LIN7C: variants seen among roughly 807,000 people sequenced by gnomAD.
LIN7C encodes the protein protein lin-7 homolog C.
LIN7C carries 17 observed loss-of-function variants against 24.7 expected under a neutral mutation model. The ratio of observed to expected loss-of-function variants is 0.69; its 90% confidence interval spans 0.47 to 1.03. The LOEUF is 1.03. Ranked by LOEUF, LIN7C falls within the 50% of genes least tolerant of loss-of-function variation. The pLI, the probability that LIN7C is intolerant of heterozygous loss-of-function variation, is 0.00. For synonymous variants in LIN7C, 90 were observed against 83.4 expected, an observed-to-expected ratio of 1.08 and a Z score of -0.43; for missense variants, 204 against 239.0, an observed-to-expected ratio of 0.85 and a Z score of 0.97.
rs777986916 is a variant in LIN7C at position 27,499,565 on chromosome 11, T to C, written c.232A>G (p.Thr78Ala). ...EVRANATAKA[T>A]VAAFAASEGH... Reference sequence around the variant, plus strand: ...TCACTGGCAGCAAATGCAGCAACAGTAGCCTGAAAGAAAGTTTTACATATT... The same window carrying C: ...TCACTGGCAGCAAATGCAGCAACAGCAGCCTGAAAGAAAGTTTTACATATT... The change falls in exon 4 of 5, where the codon ACT (threonine) becomes GCT (alanine). Residue 78 changes from threonine (T) to alanine (A), a missense_variant. Transcript: ENST00000278193. 1 of 1,613,220 alleles carries C rather than the reference T, an allele frequency of 6.2e-7. No individual in the cohort carries two copies. The highest frequency in any genetic ancestry group is 2.2e-5 in the East Asian group (1 of 44,882).
At chr11:27,504,394 C>T (rs932824939) in intron 1 of LIN7C, among the ~76,000 whole-genome samples, 1 of 152,114 alleles carries the variant, frequency 6.6e-6, no homozygotes, top group Non-Finnish European at 1.5e-5. Flanking sequence ...TTCATTAAAT[C>T]ATAGTTTGAT....
At position 27,501,508 on chromosome 11, in the gene LIN7C, T is replaced by A. The variant is rs190288799; in HGVS notation, c.215A>T (p.Asn72Ile). The change falls in exon 3 of 5, where the codon AAC (asparagine) becomes ATC (isoleucine). Residue 72 changes from asparagine (N) to isoleucine (I), a missense_variant. By Grantham distance (149) the Asn-to-Ile change is moderately radical (BLOSUM62 -3). Transcript: ENST00000278193. ...AAAAAAATTTACCTTTGCAGTAGCGTTCGCTCTCACTTCAGGACTGCTACT... is the reference window on the plus strand; with the variant it reads ...AAAAAAATTTACCTTTGCAGTAGCGATCGCTCTCACTTCAGGACTGCTACT... ...DISSSPEVRA[N>I]ATAKATVAAF... 4.7e-4 allele frequency: 746 copies of A among 1,591,546 alleles called. 8 individuals are homozygous for A. The highest frequency in any genetic ancestry group is 2.4e-5 in the Non-Finnish European group (28 of 1,171,856).
chr11:27,506,633 C>G, intron 1 of LIN7C, 83 bp downstream of exon 1: 1 of 1,503,174 alleles, frequency 6.7e-7, no homozygotes, highest in Non-Finnish European at 9.2e-7. Flanking sequence ...ATCTCAGAGC[C>G]TGGGTCACTC....
intron 1 of LIN7C, among the ~76,000 whole-genome samples, chr11:27,503,391 T>C (rs1865244101): frequency 6.6e-6 from 1 of 152,246 alleles, no homozygotes; most frequent in Non-Finnish European, 1.5e-5. Flanking sequence ...TTGCTTCCTT[T>C]TGACTTAAGT....
chr11:27,494,809 C>T lies in LIN7C; in HGVS notation c.*3840G>A, dbSNP rs1175680021. Reference sequence around the variant, plus strand: ...CACTACTTAACCATACCTGGAATAACCTTTGAAGAAACACTACTAGCAAAC... The same window carrying T: ...CACTACTTAACCATACCTGGAATAATCTTTGAAGAAACACTACTAGCAAAC... On this transcript the variant is annotated 3_prime_UTR_variant, in exon 5 of 5. Transcript: ENST00000278193. 6 of 152,156 alleles carry T rather than the reference C, an allele frequency of 3.9e-5. No individual in the cohort carries two copies. The highest frequency in any genetic ancestry group is 1.2e-4 in the African/African-American group (5 of 41,442). The allele number at this position is 152,156 out of a possible 1,614,324, so 9.4% of individuals were successfully genotyped here.
intron 1 of LIN7C, 25 bp downstream of exon 1, chr11:27,506,691 T>A: frequency 6.2e-7 from 1 of 1,613,236 alleles, no homozygotes; most frequent in Middle Eastern, 1.7e-4. Flanking sequence ...TCCGCCCACC[T>A]CCGCCGAGCC....
At chr11:27,500,270 G>A (rs1865211032) in intron 3 of LIN7C, among the ~76,000 whole-genome samples, 1 of 152,062 alleles carries the variant, frequency 6.6e-6, no homozygotes. Context: ...ACTCCTTCAG[G>A]AGCCTTTGTG....
chr11:27,501,359 A>G (rs1337001466), intron 3 of LIN7C, 136 bp downstream of exon 3: 6 of 625,936 alleles, frequency 9.6e-6, no homozygotes, highest in Non-Finnish European at 1.7e-5. Context: ...CTTATTTCTT[A>G]GTACTTGAGA....
Position 27,506,697 on chromosome 11 carries a change from G to A in LIN7C, c.37+19C>T, listed in dbSNP as rs745324657. 3.7e-6 allele frequency: 6 copies of A among 1,613,510 alleles called. No homozygotes were observed. The South Asian group carries it at 4.4e-5, about 12-fold the overall frequency. ...CCCAACCCTTCCGCCCACCTCCGCC[G>A]AGCCTCGGCTGCACTCACCTCTCTC... On this transcript the variant is annotated intron_variant, in intron 1 of 4. Transcript: ENST00000278193.
At chr11:27,504,396 T>C (rs559333244) in intron 1 of LIN7C, among the ~76,000 whole-genome samples, 3 of 152,330 alleles carry the variant, frequency 2.0e-5, no homozygotes, top group African/African-American at 7.2e-5. Context: ...CATTAAATCA[T>C]AGTTTGATGA....
intron 1 of LIN7C, among the ~76,000 whole-genome samples, chr11:27,502,262 T>C (rs996283605): frequency 1.7e-4 from 26 of 152,188 alleles, no homozygotes; most frequent in African/African-American, 6.3e-4. Context: ...GACCGATACA[T>C]GAACATTGTA....
rs1456678494 is a variant in LIN7C at position 27,498,413 on chromosome 11, T to C, written c.*236A>G. ...AAAATCTGCATTTGAAAAAGGCCTG[T>C]AAAAACAGTAGGACAGAATTGCCCT... On this transcript the variant is annotated 3_prime_UTR_variant, in exon 5 of 5. Transcript: ENST00000278193. The C allele has an allele frequency of 5.4e-6, 2 of 373,316 alleles. No homozygotes were observed. Among genetic ancestry groups the C allele is most frequent in the Non-Finnish European group, 9.4e-6 (2 of 212,436 alleles). The allele number at this position is 373,316 out of a possible 1,614,324, so 23.1% of individuals were successfully genotyped here.
In LIN7C at chr11:27,498,812, A is replaced by T; in HGVS notation, c.439-8T>A. On this transcript the variant is annotated splice_polypyrimidine_tract_variant and splice_region_variant and intron_variant, in intron 4 of 4. Transcript: ENST00000278193. ...ATGTTCTCCTTCAACACTCTAGGGG[A>T]AAAAAAAACAACCAACCATACACTA... 6.3e-7 allele frequency: 1 copy of T among 1,592,002 alleles called. No individual in the cohort carries two copies. Among genetic ancestry groups the T allele is most frequent in the Non-Finnish European group, 8.6e-7 (1 of 1,168,918 alleles).
chr11:27,504,439 C>T (rs1865253894), intron 1 of LIN7C, among the ~76,000 whole-genome samples: 1 of 152,138 alleles, frequency 6.6e-6, no homozygotes, highest in Admixed American at 6.6e-5. Flanking sequence ...CATATGTGAT[C>T]AGGCACTGTA....
At position 27,501,864 on chromosome 11, in the gene LIN7C, G is replaced by A. The variant is rs1865229381; in HGVS notation, c.94C>T (p.Pro32Ser). ...EKLQRSGEVP[P>S]QKLQALQRVL... ...CTTTGCAAAGCCTGAAGTTTCTGTGGTGGTACTTCTCCACTCCTTTGTAGT... is the reference window on the plus strand; with the variant it reads ...CTTTGCAAAGCCTGAAGTTTCTGTGATGGTACTTCTCCACTCCTTTGTAGT... Residue 32 changes from proline (P) to serine (S), a missense_variant, in exon 2 of 5, where the codon CCA becomes TCA. This residue lies in a region of LIN7C where 126 missense variants were observed against 117.8 expected (regional missense o/e 1.07). Transcript: ENST00000278193. The A allele has an allele frequency of 6.2e-7, 1 of 1,613,210 alleles. No homozygotes were observed. Among genetic ancestry groups the A allele is most frequent in the African/African-American group, 1.3e-5 (1 of 74,882 alleles).
rs1483733251 is a variant in LIN7C at position 27,494,613 on chromosome 11, C to A, written c.*4036G>T. On this transcript the variant is annotated 3_prime_UTR_variant, in exon 5 of 5. Transcript: ENST00000278193. The stretch of plus-strand genomic sequence containing the variant: ...ATTTATTTTAAATAAGCCTTAAAAT[C>A]AGAATTAAATTGATAAATGAAGTAA... 1 of 152,006 alleles carries A rather than the reference C, an allele frequency of 6.6e-6. No individual in the cohort carries two copies. The highest frequency in any genetic ancestry group is 1.5e-5 in the Non-Finnish European group (1 of 68,012). The allele number at this position is 152,006 out of a possible 1,614,324, so 9.4% of individuals were successfully genotyped here.
intron 1 of LIN7C, among the ~76,000 whole-genome samples, chr11:27,505,576 T>A (rs1283570836): frequency 6.6e-6 from 1 of 152,198 alleles, no homozygotes; most frequent in African/African-American, 2.4e-5. Flanking sequence ...CAGTGAGGCT[T>A]CCAAATGGTG....
chr11:27,495,037 GCCATAA>G lies in LIN7C; in HGVS notation c.*3606_*3611del, dbSNP rs1393355880. 3 of 152,560 alleles carry G rather than the reference GCCATAA, an allele frequency of 2.0e-5. No individual in the cohort carries two copies. Among genetic ancestry groups the G allele is most frequent in the African/African-American group, 4.8e-5 (2 of 41,410 alleles). The allele number at this position is 152,560 out of a possible 1,614,324, so 9.5% of individuals were successfully genotyped here. A position where few individuals can be genotyped will look rare whatever the true frequency, so the allele number is the denominator to read the frequency against. The stretch of plus-strand genomic sequence containing the variant: ...TCATGCTGACATTCTTTTTGGATAA[GCCATAA>G]CCATTTCTTCTATTAAATGCTATAA... On this transcript the variant is annotated 3_prime_UTR_variant, in exon 5 of 5. Coordinates refer to ENST00000278193, the MANE Select transcript of LIN7C (RefSeq NM_018362.4).
At chr11:27,504,237 T>C (rs1341097887) in intron 1 of LIN7C, among the ~76,000 whole-genome samples, 1 of 152,174 alleles carries the variant, frequency 6.6e-6, no homozygotes, top group Non-Finnish European at 1.5e-5. Context: ...GACCGATACA[T>C]GGGGACTGTT....
Sources: allele counts gnomAD v4.1 joint callset (sites outside exome capture counted in the v4.1 genomes callset), GRCh38; gene constraint gnomAD v4.1.1; regional missense constraint gnomAD v4.1.1; transcripts MANE v1.5; gene names NCBI Gene and HGNC (gene_info 2026-07-23, HGNC 2026-07-21).